ABL1: variants seen among roughly 807,000 people sequenced by gnomAD.
The protein encoded by ABL1 is tyrosine-protein kinase ABL1.
In ABL1, 11 loss-of-function variants were observed where a neutral mutation model predicts 94.7. The observed-to-expected ratio is 0.12, with a 90% CI of 0.07 to 0.19. ABL1 has a LOEUF of 0.19. Ranked by LOEUF, ABL1 falls within the 10% of genes least tolerant of loss-of-function variation. The pLI, the probability that ABL1 is intolerant of heterozygous loss-of-function variation, is 1.00. For missense variants in ABL1, 1,082 were observed against 1,489.4 expected (o/e 0.73, Z 4.50); for synonymous variants, 656 against 622.4 (o/e 1.05, Z -0.80).
At chr9:130,806,425 C>T (rs1714593265) in intron 1 of ABL1, among the ~76,000 whole-genome samples, 1 of 152,170 alleles carries the variant, frequency 6.6e-6, no homozygotes, top group African/African-American at 2.4e-5. Flanking sequence ...AGGCTTGTAT[C>T]CCAGAGAACT....
chr9:130,718,713 T>A (rs1831477963), intron 1 of ABL1, among the ~76,000 whole-genome samples: 1 of 152,152 alleles, frequency 6.6e-6, no homozygotes, highest in Admixed American at 6.5e-5. Context: ...AGACCCTGTC[T>A]CTACAACAAG....
chr9:130,751,204 C>T (rs1168181146), intron 1 of ABL1, among the ~76,000 whole-genome samples: 3 of 123,126 alleles, frequency 2.4e-5, no homozygotes, highest in Admixed American at 1.1e-4. Context: ...TACAGTGGCG[C>T]GATCTCGGCT....
At chr9:130,850,902 TTTTG>T (rs1463728216) in intron 1 of ABL1, among the ~76,000 whole-genome samples, 2 of 151,468 alleles carry the variant, frequency 1.3e-5, no homozygotes, top group African/African-American at 2.4e-5. Context: ...CGTTGTTGTT[TTTTG>T]TTTGTTTTTG....
At chr9:130,824,012 T>C (rs1830396502) in intron 1 of ABL1, among the ~76,000 whole-genome samples, 1 of 152,206 alleles carries the variant, frequency 6.6e-6, no homozygotes, top group African/African-American at 2.4e-5. Flanking sequence ...GAAATAACTA[T>C]AAATACGACT....
intron 1 of ABL1, among the ~76,000 whole-genome samples, chr9:130,822,754 A>G (rs1369293014): frequency 8.6e-5 from 13 of 151,156 alleles, no homozygotes; most frequent in Admixed American, 8.6e-4. Context: ...AAGTTTGTGC[A>G]CTGTCTTATT....
chr9:130,812,040 A>G (rs781773545), intron 1 of ABL1, among the ~76,000 whole-genome samples: 14 of 151,514 alleles, frequency 9.2e-5, no homozygotes, highest in Non-Finnish European at 1.9e-4. Context: ...AAAGAGCAAG[A>G]TGGTAGGTTA....
At chr9:130,759,301 T>A (rs1444009077) in intron 1 of ABL1, among the ~76,000 whole-genome samples, 3 of 152,192 alleles carry the variant, frequency 2.0e-5, no homozygotes, top group African/African-American at 7.2e-5. Flanking sequence ...CAACTTCTGA[T>A]GGCCGGTCAT....
intron 1 of ABL1, among the ~76,000 whole-genome samples, chr9:130,791,739 A>G (rs886680517): frequency 3.9e-5 from 6 of 152,088 alleles, no homozygotes; most frequent in Non-Finnish European, 8.8e-5. Context: ...GCCACAGACT[A>G]ATGGCTGCAC....
At position 130,750,308 on chromosome 9, in the gene ABL1, T is replaced by G. The variant is rs1162674059; in HGVS notation, c.136+35853T>G. Among the ~76,000 whole-genome samples the G allele has an allele frequency of 2.7e-5, 4 of 149,114 alleles. No individual in the cohort carries two copies. The East Asian group carries it at 7.8e-4, about 29-fold the overall frequency. On this transcript the variant is annotated intron_variant, in intron 1 of 10. Transcript: ENST00000372348. ...ATTATGGATTTTTCAGTTTATTTCT[T>G]CTAAGTTTTGTCAGTTGAACAGTAG...
chr9:130,884,971 G>A lies in ABL1; in HGVS notation c.2681G>A (p.Arg894Lys), dbSNP rs1064160. 11 of 1,610,954 alleles carry A rather than the reference G, an allele frequency of 6.8e-6. No homozygotes were observed. In the Admixed American group the frequency reaches 1.2e-4, roughly 17 times the overall value. Residue 894 changes from arginine to lysine, a missense_variant, in exon 11 of 11, where the codon AGG becomes AAG. Physicochemically the swap from Arg to Lys is conservative, Grantham distance 26 (BLOSUM62 2). Around this residue, in one of 7 missense-constraint regions of ABL1, gnomAD observed 780 missense variants for 835.8 expected, o/e 0.93. Transcript: ENST00000318560. This position sits in a 1 kb window ranked among gnomAD's most constrained non-coding sequence, Gnocchi z 5.6. ...GGGAGGGACAAGGGGAAATTGTCCA[G>A]GCTCAAACCTGCCCCGCCGCCCCCA... Reference protein sequence around the residue: ...SPGRDKGKLSRLKPAPPPPPA... With the variant: ...SPGRDKGKLSKLKPAPPPPPA...
chr9:130,717,843 G>T (rs1490748366), intron 1 of ABL1, among the ~76,000 whole-genome samples: 1 of 151,882 alleles, frequency 6.6e-6, no homozygotes. Flanking sequence ...GAGAAACCCT[G>T]TCTCTACCAA....
intron 1 of ABL1, among the ~76,000 whole-genome samples, chr9:130,848,357 A>C (rs544628488): frequency 8.0e-5 from 12 of 149,550 alleles, no homozygotes; most frequent in African/African-American, 2.5e-4. Context: ...AAAAAAAAAA[A>C]AAAAAAAAAA....
intron 1 of ABL1, among the ~76,000 whole-genome samples, chr9:130,767,417 C>T (rs1832197362): frequency 6.6e-6 from 1 of 152,208 alleles, no homozygotes; most frequent in Non-Finnish European, 1.5e-5. Context: ...ACTATAACCT[C>T]CGCCTCCCGG....
intron 3 of ABL1, among the ~76,000 whole-genome samples, chr9:130,860,058 C>G (rs1200949550): frequency 6.6e-6 from 1 of 152,174 alleles, no homozygotes; most frequent in Non-Finnish European, 1.5e-5. Flanking sequence ...GCAGCCCTGA[C>G]TGAGCACCTG....
intron 1 of ABL1, among the ~76,000 whole-genome samples, chr9:130,773,260 A>G (rs1221135973): frequency 6.6e-6 from 1 of 152,226 alleles, no homozygotes; most frequent in Non-Finnish European, 1.5e-5. Flanking sequence ...TGGAGGTTGC[A>G]GTGAGCTGAG....
rs757022759 is a variant in ABL1, at chr9:130,884,328, G to A, written c.2038G>A (p.Gly680Ser). ...NGALRESGGS[G>S]FRSPHLWKKS... is the part of the protein sequence containing the mutation. The stretch of plus-strand genomic sequence containing the variant: ...AGCCCTCCGGGAGTCCGGGGGCTCA[G>A]GCTTCCGGTCTCCCCACCTGTGGAA... Residue 680 changes from glycine (G) to serine (S), a missense_variant, in exon 11 of 11, where the codon GGC becomes AGC. Transcript: ENST00000318560. The surrounding 1 kb of genome is among the most constrained non-coding windows in gnomAD (Gnocchi z 5.6). 1.2e-6 allele frequency: 2 copies of A among 1,611,950 alleles called. No individual in the cohort carries two copies. The highest frequency in any genetic ancestry group is 2.7e-5 in the African/African-American group (2 of 74,926).
At chr9:130,740,849 A>C (rs1831807943) in intron 1 of ABL1, among the ~76,000 whole-genome samples, 1 of 121,346 alleles carries the variant, frequency 8.2e-6, no homozygotes, top group Non-Finnish European at 1.6e-5. Context: ...TTTTGTAGAG[A>C]AGGGTCTCAC....
intron 1 of ABL1, among the ~76,000 whole-genome samples, chr9:130,798,602 G>A (rs1332791385): frequency 6.6e-6 from 1 of 152,078 alleles, no homozygotes; most frequent in African/African-American, 2.4e-5. Flanking sequence ...AGTATGTCCT[G>A]CCATGCCTTT....
intron 1 of ABL1, among the ~76,000 whole-genome samples, chr9:130,824,371 A>T (rs141758192): frequency 6.6e-6 from 1 of 152,154 alleles, no homozygotes; most frequent in Non-Finnish European, 1.5e-5. Context: ...TTTTGTTCTA[A>T]TCAGGCCCTC....
Sources: gnomAD v4.1 joint callset for allele counts (sites outside exome capture counted in the v4.1 genomes callset) on GRCh38, gnomAD v4.1.1 for gene constraint, gnomAD v4.1.1 regional missense constraint, Gnocchi (gnomAD v3.1) non-coding constraint, MANE v1.5 for transcripts, NCBI Gene and HGNC (gene_info 2026-07-23, HGNC 2026-07-21) for gene names.